Variants in LANCL2 observed in about 807,000 individuals in gnomAD.
LANCL2 encodes the protein lanC-like protein 2.
In LANCL2, 33 loss-of-function variants were observed where a neutral mutation model predicts 56.9. That is an observed-to-expected ratio of 0.58 (90% CI 0.44 to 0.78). The LOEUF (loss-of-function observed/expected upper bound fraction) is 0.78. Among genes scored for constraint, LANCL2 ranks in the 30% least tolerant of loss-of-function variants. LANCL2 has a pLI of 0.00. For missense variants in LANCL2, 562 were observed against 580.2 expected (o/e 0.97, Z 0.32); for synonymous variants, 233 against 228.2 (o/e 1.02, Z -0.19).
chr7:55,404,085 G>C (rs11523713), intron 5 of LANCL2, among the ~76,000 whole-genome samples: 2 of 152,034 alleles, frequency 1.3e-5, no homozygotes, highest in South Asian at 4.1e-4. Context: ...CCCTGACAAC[G>C]ATAGAGTACT....
intron 2 of LANCL2, among the ~76,000 whole-genome samples, chr7:55,396,019 A>G (rs1790247921): frequency 6.6e-6 from 1 of 152,246 alleles, no homozygotes; most frequent in Non-Finnish European, 1.5e-5. Flanking sequence ...ATTGTAACAC[A>G]ATGGTGTTTT....
intron 1 of LANCL2, among the ~76,000 whole-genome samples, chr7:55,374,835 C>T (rs1789983065): frequency 6.6e-6 from 1 of 152,194 alleles, no homozygotes. Context: ...GTTTGCACAT[C>T]ATCACATATG....
chr7:55,402,745 G>A (rs1407516838), intron 5 of LANCL2, among the ~76,000 whole-genome samples: 3 of 123,674 alleles, frequency 2.4e-5, no homozygotes, highest in Non-Finnish European at 3.5e-5. Context: ...GGGCGGAGAC[G>A]CTCCTCACTT....
chr7:55,406,896 A>C (rs1790413925), intron 5 of LANCL2, among the ~76,000 whole-genome samples: 1 of 152,204 alleles, frequency 6.6e-6, no homozygotes, highest in Non-Finnish European at 1.5e-5. Flanking sequence ...CAAAAGAATG[A>C]CAGCTGACCT....
At chr7:55,396,945 G>C (rs886558446) in intron 2 of LANCL2, 5 of 152,034 alleles carry the variant, frequency 3.3e-5, no homozygotes, top group African/African-American at 1.2e-4. Context: ...TTTGAATACA[G>C]AAAACATGCT....
At chr7:55,413,441 G>A (rs1568822) in intron 6 of LANCL2, among the ~76,000 whole-genome samples, 96,322 of 152,150 alleles carry the variant, frequency 0.63, 31,094 homozygotes, top group Admixed American at 0.71. Flanking sequence ...GGGTGTTCCC[G>A]GTGGCTGATC....
At chr7:55,368,001 C>A (rs761233542) in intron 1 of LANCL2, among the ~76,000 whole-genome samples, 1 of 152,182 alleles carries the variant, frequency 6.6e-6, no homozygotes, top group Non-Finnish European at 1.5e-5. Context: ...AAATAAAAAT[C>A]TGGCAAGCAT....
intron 5 of LANCL2, among the ~76,000 whole-genome samples, chr7:55,401,784 A>G (rs1303275891): frequency 2.3e-5 from 3 of 129,004 alleles, no homozygotes; most frequent in East Asian, 2.0e-4. Flanking sequence ...TTAACAAAGC[A>G]CATCTTGCAC....
rs1790322344 is a variant in LANCL2 at position 55,401,323 on chromosome 7, A to G, written c.825+3A>G. On this transcript the variant is annotated splice_donor_region_variant and intron_variant, in intron 5 of 8. Coordinates refer to ENST00000254770, the MANE Select transcript of LANCL2 (RefSeq NM_018697.4). ...GAATTTACTATATGTTAATGCAGGT[A>G]GGTAAGAATACTCTTACACACTACA... 5.6e-6 allele frequency: 9 copies of G among 1,612,602 alleles called. No individual in the cohort carries two copies. Among genetic ancestry groups the G allele is most frequent in the Non-Finnish European group, 6.8e-6 (8 of 1,178,662 alleles).
intron 6 of LANCL2, among the ~76,000 whole-genome samples, chr7:55,424,314 C>G (rs1465328911): frequency 6.6e-6 from 1 of 152,232 alleles, no homozygotes; most frequent in African/African-American, 2.4e-5. Context: ...GTCTCTGCAG[C>G]TGACCATATA....
chr7:55,429,767 A>C (rs895400479), intron 8 of LANCL2, among the ~76,000 whole-genome samples: 1 of 152,268 alleles, frequency 6.6e-6, no homozygotes, highest in Non-Finnish European at 1.5e-5. Context: ...GCACCTTCAG[A>C]GCCCCAGTGG....
intron 1 of LANCL2, among the ~76,000 whole-genome samples, chr7:55,384,957 T>G (rs1790108329): frequency 6.6e-6 from 1 of 151,930 alleles, no homozygotes; most frequent in African/African-American, 2.4e-5. Context: ...GGGGCAGAGG[T>G]GGGAGGATTG....
Position 55,365,819 on chromosome 7 carries a change from G to A in LANCL2, c.-207G>A, listed in dbSNP as rs1789852982. 2.2e-6 allele frequency: 1 copy of A among 444,784 alleles called. No individual in the cohort carries two copies. Among genetic ancestry groups the A allele is most frequent in the Admixed American group, 4.4e-5 (1 of 22,652 alleles). The allele number at this position is 444,784 out of a possible 1,614,324, so 27.6% of individuals were successfully genotyped here. On this transcript the variant is annotated 5_prime_UTR_variant, in exon 1 of 9. Transcript: ENST00000254770. ...GCCAGGAACAGGGCAGAGGCACAGC[G>A]CCCACCGCCTCTGCGGCCGCCTGAT...
chr7:55,408,442 G>A (rs536464271), intron 5 of LANCL2, among the ~76,000 whole-genome samples: 12 of 152,080 alleles, frequency 7.9e-5, no homozygotes, highest in Admixed American at 1.3e-4. Context: ...CGAGGTGGGC[G>A]GATCACTGAG....
intron 5 of LANCL2, among the ~76,000 whole-genome samples, chr7:55,406,586 C>T (rs1341524996): frequency 6.6e-6 from 1 of 152,144 alleles, no homozygotes; most frequent in Non-Finnish European, 1.5e-5. Flanking sequence ...AAAGGGTCTG[C>T]TCAGTGAGTT....
rs371416401 is a variant in LANCL2, at chr7:55,398,401, T to A, written c.323-22T>A. 3.8e-6 allele frequency: 6 copies of A among 1,574,232 alleles called. No individual in the cohort carries two copies. In the African/African-American group the frequency reaches 8.1e-5, roughly 21 times the overall value. On this transcript the variant is annotated intron_variant, in intron 2 of 8. Transcript: ENST00000254770. The stretch of plus-strand genomic sequence containing the variant: ...AGGAAAAGATAATAATGCTTTTCTT[T>A]TGGGGTGGGAAATTATTCCAGGCAT...
At chr7:55,400,402 G>T (rs1441606458) in intron 4 of LANCL2, among the ~76,000 whole-genome samples, 2 of 152,168 alleles carry the variant, frequency 1.3e-5, no homozygotes, top group Admixed American at 1.3e-4. Flanking sequence ...ATTTCAGGCT[G>T]GTATGAGTGG....
At chr7:55,391,699 T>C in intron 1 of LANCL2, 94 bp from the exon 2 acceptor site, 1 of 700,646 alleles carries the variant, frequency 1.4e-6, no homozygotes, top group Admixed American at 2.2e-5. Context: ...GTAACTTCTG[T>C]CTGTTATGTT....
At chr7:55,429,375 CTA>C (rs1312570692) in intron 8 of LANCL2, among the ~76,000 whole-genome samples, 1 of 152,164 alleles carries the variant, frequency 6.6e-6, no homozygotes, top group African/African-American at 2.4e-5. Context: ...TTCAAGTTAT[CTA>C]TTTCATATTG....
Sources: gnomAD v4.1 joint callset for allele counts (sites outside exome capture counted in the v4.1 genomes callset) on GRCh38, gnomAD v4.1.1 for gene constraint, MANE v1.5 for transcripts, NCBI Gene and HGNC (gene_info 2026-07-23, HGNC 2026-07-21) for gene names.